The following POU2F2 variants were observed in gnomAD, a reference collection of about 807,000 sequenced individuals.
POU2F2 encodes POU class 2 homeobox 2, also known as POU domain, class 2, transcription factor 2.
A neutral mutation model predicts 63.5 loss-of-function variants in POU2F2; 14 were observed. That is an observed-to-expected ratio of 0.22 (90% CI 0.15 to 0.34). POU2F2 has a LOEUF of 0.34. Among genes scored for constraint, POU2F2 ranks in the 10% least tolerant of loss-of-function variants. POU2F2 has a pLI of 1.00. For synonymous variants in POU2F2, 306 were observed against 348.6 expected (o/e 0.88, Z 1.36); for missense variants, 607 against 815.2 (o/e 0.74, Z 3.11).
chr19:42,117,139 A>G lies in POU2F2; in HGVS notation c.369+111T>C. Reference sequence around the variant, plus strand: ...TAGAGGACAGAAGAGGGCAAGAGGCAGGTGTGAGAGAGTGGCCATGGCCTT... The same window carrying G: ...TAGAGGACAGAAGAGGGCAAGAGGCGGGTGTGAGAGAGTGGCCATGGCCTT... On this transcript the variant is annotated intron_variant, in intron 5 of 14. Transcript: ENST00000692977. This position sits in a 1 kb window ranked among gnomAD's most constrained non-coding sequence, Gnocchi z 4.4. 1 of 883,546 alleles carries G rather than the reference A, an allele frequency of 1.1e-6. No homozygotes were observed. The highest frequency in any genetic ancestry group is 1.7e-6 in the Non-Finnish European group (1 of 572,400). 54.7% of individuals were successfully genotyped at this position (883,546 alleles called of 1,614,324 possible).
rs1190831836 is a variant in POU2F2 at position 42,155,397 on chromosome 19, C to T, written c.-9+4935G>A. Among the ~76,000 whole-genome samples, 1 of 152,174 alleles carries T rather than the reference C, an allele frequency of 6.6e-6. No individual in the cohort carries two copies. Among genetic ancestry groups the T allele is most frequent in the African/African-American group, 2.4e-5 (1 of 41,436 alleles). The stretch of plus-strand genomic sequence containing the variant: ...AGGTGCATGCTCCCTGGGTCTCCCT[C>T]TCCCTCCACTCCCATCTGGTGTATT... On this transcript the variant is annotated intron_variant, in intron 2 of 6. Coordinates refer to the POU2F2 transcript ENST00000524801. The surrounding 1 kb of genome is among the most constrained non-coding windows in gnomAD (Gnocchi z 4.2).
chr19:42,113,139 T>C (rs1189168563), intron 5 of POU2F2, among the ~76,000 whole-genome samples: 5 of 152,188 alleles, frequency 3.3e-5, no homozygotes, highest in African/African-American at 1.2e-4. Context: ...TAAAAGATTT[T>C]GTCAAGCTTT....
At chr19:42,166,632 G>A (rs564958452) in intron 1 of POU2F2, among the ~76,000 whole-genome samples, 49 of 152,136 alleles carry the variant, frequency 3.2e-4, no homozygotes, top group African/African-American at 7.5e-4. Flanking sequence ...AGCAGTGTGC[G>A]TCAGGGGGTG....
rs202163562 is a variant in POU2F2 at position 42,092,027 on chromosome 19, G to A, written c.1466+42C>T. On this transcript the variant is annotated intron_variant, in intron 13 of 14. Transcript: ENST00000692977. This position sits in a 1 kb window ranked among gnomAD's most constrained non-coding sequence, Gnocchi z 5.0. ...CGCTCCCCACCCTAGAAGCAGCAGC[G>A]ACCCTGCTTCTCCCCACAGCTTCCC... The A allele has an allele frequency of 1.9e-5, 30 of 1,572,784 alleles. No individual in the cohort carries two copies. Among genetic ancestry groups the A allele is most frequent in the Middle Eastern group, 1.7e-4 (1 of 5,998 alleles).
chr19:42,160,679 T>G (rs1230472437), intron 1 of POU2F2, among the ~76,000 whole-genome samples: 2 of 152,226 alleles, frequency 1.3e-5, no homozygotes, highest in Admixed American at 1.3e-4. Context: ...CTTCTTAAAG[T>G]GCAGGGACTG....
intron 2 of POU2F2, among the ~76,000 whole-genome samples, chr19:42,144,641 A>ATTG (rs2034194677): frequency 6.6e-6 from 1 of 152,212 alleles, no homozygotes; most frequent in African/African-American, 2.4e-5. Flanking sequence ...ACTAAGTAAC[A>ATTG]AGAGCAGCTA....
At position 42,091,536 on chromosome 19, in the gene POU2F2, C is replaced by A; in HGVS notation, c.1596G>T (p.Leu532=). 1 of 1,547,878 alleles carries A rather than the reference C, an allele frequency of 6.5e-7. No individual in the cohort carries two copies. The highest frequency in any genetic ancestry group is 8.7e-7 in the Non-Finnish European group (1 of 1,144,556). Residue 532 remains leucine, a synonymous_variant, in exon 15 of 15, where the codon CTG becomes CTT. Coordinates refer to ENST00000692977, the MANE Select transcript of POU2F2 (RefSeq NM_001394376.1). The stretch of plus-strand genomic sequence containing the variant: ...GGGCTGCACCGGCTGCCCCCAGCAC[C>A]AGATTCCCGCTGCCATCAAGGCTGG... ...PLTSLDGSGN[L]VLGAAGAAPG...
At chr19:42,150,263 A>G (rs1343948400) in intron 2 of POU2F2, among the ~76,000 whole-genome samples, 1 of 151,804 alleles carries the variant, frequency 6.6e-6, no homozygotes, top group Non-Finnish European at 1.5e-5. Context: ...GTTTGGGGTT[A>G]GGGAAGGGAG....
upstream of POU2F2, chr19:42,132,488 G>A: frequency 3.0e-6 from 4 of 1,349,266 alleles, no homozygotes; most frequent in Admixed American, 3.3e-5. Flanking sequence ...CCTCCCTGCC[G>A]GAAGTCACTC....
chr19:42,105,122 G>A (rs1283449112), intron 5 of POU2F2, among the ~76,000 whole-genome samples: 2 of 151,956 alleles, frequency 1.3e-5, no homozygotes, highest in Non-Finnish European at 2.9e-5. Flanking sequence ...ATGCTTCAGG[G>A]CCCCCCATTT....
chr19:42,104,913 G>T (rs2077278502), intron 5 of POU2F2, among the ~76,000 whole-genome samples: 1 of 152,052 alleles, frequency 6.6e-6, no homozygotes, highest in Non-Finnish European at 1.5e-5. Context: ...CAGTGGACTG[G>T]GTACTCCTGT....
chr19:42,116,876 AGGCGGCGGC>A (rs555150584), intron 5 of POU2F2: 6 of 449,264 alleles, frequency 1.3e-5, no homozygotes, highest in Middle Eastern at 4.3e-4. Flanking sequence ...GAGGAGGCGG[AGGCGGCGGC>A]GGCGGCGGCA....
chr19:42,119,207 C>G (rs1600106874), intron 4 of POU2F2, among the ~76,000 whole-genome samples: 1 of 151,548 alleles, frequency 6.6e-6, no homozygotes, highest in Non-Finnish European at 1.5e-5. Context: ...TATGAGAAGT[C>G]AGGGTAGCAG....
intron 5 of POU2F2, chr19:42,110,886 T>C (rs544226855): frequency 1.0e-4 from 37 of 361,160 alleles, no homozygotes; most frequent in South Asian, 7.6e-4. Flanking sequence ...AGTTTTCTTA[T>C]CTGTAAAATG....
chr19:42,180,009 G>C (rs148518999), upstream of POU2F2, among the ~76,000 whole-genome samples: 100 of 152,242 alleles, frequency 6.6e-4, no homozygotes, highest in African/African-American at 2.4e-3. Context: ...AGACTCCTGG[G>C]ATCCACACAG....
At chr19:42,099,145 A>C (rs1458164934) in intron 7 of POU2F2, among the ~76,000 whole-genome samples, 2 of 152,364 alleles carry the variant, frequency 1.3e-5, no homozygotes, top group African/African-American at 4.8e-5. Context: ...TGTTCAGAGA[A>C]TCCTCCGTTG....
intron 1 of POU2F2, among the ~76,000 whole-genome samples, chr19:42,191,351 C>T (rs2035073543): frequency 6.6e-6 from 1 of 152,166 alleles, no homozygotes. Flanking sequence ...GTGGCTGTGC[C>T]CCTCCACAAC....
intron 1 of POU2F2, among the ~76,000 whole-genome samples, chr19:42,174,211 A>G (rs900829346): frequency 7.2e-5 from 11 of 152,058 alleles, no homozygotes; most frequent in Non-Finnish European, 1.3e-4. Flanking sequence ...ACACGCAGAG[A>G]CCCCGAGCAA....
chr19:42,190,417 G>A (rs574327784), intron 1 of POU2F2, among the ~76,000 whole-genome samples: 1 of 152,092 alleles, frequency 6.6e-6, no homozygotes, highest in African/African-American at 2.4e-5. Context: ...GGATGCTCAA[G>A]GGAGAAGGGT....
Sources: gnomAD v4.1 joint callset for allele counts (sites outside exome capture counted in the v4.1 genomes callset) on GRCh38, gnomAD v4.1.1 for gene constraint, Gnocchi (gnomAD v3.1) non-coding constraint, MANE v1.5 for transcripts, NCBI Gene and HGNC (gene_info 2026-07-23, HGNC 2026-07-21) for gene names.